PCDH7: variants seen among roughly 807,000 people sequenced by gnomAD.
The protein encoded by PCDH7 is protocadherin-7.
PCDH7 carries 17 observed loss-of-function variants against 58.9 expected under a neutral mutation model. The observed-to-expected ratio is 0.29, with a 90% CI of 0.20 to 0.43. The LOEUF (loss-of-function observed/expected upper bound fraction) is 0.43. PCDH7 is among the 20% of genes least tolerant of loss of function. The probability of loss-of-function intolerance (pLI) is 1.00; values close to 1 mark genes in which losing one functional copy is unlikely to be tolerated. For synonymous variants in PCDH7, 664 were observed against 616.4 expected, an observed-to-expected ratio of 1.08 and a Z score of -1.14; for missense variants, 1,274 against 1,441.0, an observed-to-expected ratio of 0.88 and a Z score of 1.88.
At chr4:30,754,709 CA>C (rs1475012413) in intron 1 of PCDH7, among the ~76,000 whole-genome samples, 4 of 152,178 alleles carry the variant, frequency 2.6e-5, no homozygotes, top group Non-Finnish European at 5.9e-5. Flanking sequence ...ATTTTATCTT[CA>C]ATTCAGTTTG....
intron 3 of PCDH7, among the ~76,000 whole-genome samples, chr4:31,101,419 A>G (rs1350787567): frequency 6.6e-6 from 1 of 152,150 alleles, no homozygotes; most frequent in Non-Finnish European, 1.5e-5. Context: ...TCAGGTAGTA[A>G]TATATTTTAG....
intron 3 of PCDH7, among the ~76,000 whole-genome samples, chr4:31,129,922 C>T (rs1444795767): frequency 7.4e-6 from 1 of 135,372 alleles, no homozygotes; most frequent in East Asian, 2.0e-4. Flanking sequence ...GCCACCATAA[C>T]AGGCCACAAT....
chr4:30,766,263 G>A (rs1175351368), intron 1 of PCDH7, among the ~76,000 whole-genome samples: 2 of 152,050 alleles, frequency 1.3e-5, no homozygotes, highest in Admixed American at 1.3e-4. Flanking sequence ...AAGAAGGGTG[G>A]TGCATGCCAG....
intron 1 of PCDH7, among the ~76,000 whole-genome samples, chr4:30,905,627 T>A (rs1740819186): frequency 6.6e-6 from 1 of 152,226 alleles, no homozygotes; most frequent in South Asian, 2.1e-4. Context: ...GCTTAATAAG[T>A]CTCTGTTGGA....
intron 3 of PCDH7, among the ~76,000 whole-genome samples, chr4:30,997,223 A>G (rs1345762389): frequency 6.6e-6 from 1 of 152,154 alleles, no homozygotes; most frequent in Non-Finnish European, 1.5e-5. Context: ...TGTATTTATA[A>G]TTCTGTAATC....
At chr4:31,146,523 C>T (rs888075617), downstream of PCDH7, 2 of 152,010 alleles carry the variant, frequency 1.3e-5, no homozygotes, top group Non-Finnish European at 2.9e-5. Context: ...CAGTTTAAAG[C>T]ACTTGCGTTC....
At chr4:30,961,309 C>A (rs1479875548) in intron 3 of PCDH7, among the ~76,000 whole-genome samples, 1 of 151,602 alleles carries the variant, frequency 6.6e-6, no homozygotes. Flanking sequence ...CTTTGGGAGG[C>A]CGAGGCGGGT....
chr4:30,968,261 A>G (rs545080033), intron 3 of PCDH7, among the ~76,000 whole-genome samples: 1 of 146,762 alleles, frequency 6.8e-6, no homozygotes, highest in South Asian at 2.1e-4. Context: ...TGAGAAGGAC[A>G]TAAAAATTGA....
intron 1 of PCDH7, among the ~76,000 whole-genome samples, chr4:30,788,447 T>C (rs1158479284): frequency 6.6e-6 from 1 of 152,112 alleles, no homozygotes; most frequent in Non-Finnish European, 1.5e-5. Context: ...TCTGTAATAT[T>C]ACAGGGATTT....
At chr4:30,774,084 T>A (rs1000316114) in intron 1 of PCDH7, among the ~76,000 whole-genome samples, 3 of 152,188 alleles carry the variant, frequency 2.0e-5, no homozygotes, top group Non-Finnish European at 2.9e-5. Flanking sequence ...TTTCAATTTC[T>A]TTTATGTCTC....
chr4:30,893,695 G>C (rs1738908776), intron 1 of PCDH7, among the ~76,000 whole-genome samples: 1 of 152,018 alleles, frequency 6.6e-6, no homozygotes, highest in Non-Finnish European at 1.5e-5. Context: ...TGTGTTTCTA[G>C]GTAAATCCCT....
At chr4:31,107,364 A>T (rs994027819) in intron 3 of PCDH7, among the ~76,000 whole-genome samples, 16 of 152,208 alleles carry the variant, frequency 1.1e-4, no homozygotes, top group Non-Finnish European at 2.9e-5. Flanking sequence ...AAGGCCCATT[A>T]ACTGGCATAC....
intron 3 of PCDH7, among the ~76,000 whole-genome samples, chr4:31,128,366 T>A: frequency 6.6e-6 from 1 of 152,086 alleles, no homozygotes; most frequent in East Asian, 1.9e-4. Flanking sequence ...AGATAAAATT[T>A]GTCAAACTGT....
intron 1 of PCDH7, among the ~76,000 whole-genome samples, chr4:30,787,727 G>C (rs1437613577): frequency 1.3e-5 from 2 of 152,060 alleles, no homozygotes; most frequent in African/African-American, 4.8e-5. Context: ...TGAAGATACT[G>C]TATAAAGTCT....
intron 3 of PCDH7, among the ~76,000 whole-genome samples, chr4:31,016,034 A>G (rs775590554): frequency 6.6e-6 from 1 of 152,178 alleles, no homozygotes; most frequent in African/African-American, 2.4e-5. Flanking sequence ...TGAGTTTAAT[A>G]TAATTCATTT....
intron 3 of PCDH7, among the ~76,000 whole-genome samples, chr4:31,055,269 T>C (rs1193061031): frequency 6.6e-6 from 1 of 152,190 alleles, no homozygotes; most frequent in Non-Finnish European, 1.5e-5. Context: ...TTTTCAGTTT[T>C]TTAGAGCATT....
At chr4:30,776,949 T>C (rs1722146684) in intron 1 of PCDH7, among the ~76,000 whole-genome samples, 1 of 152,102 alleles carries the variant, frequency 6.6e-6, no homozygotes, top group South Asian at 2.1e-4. Flanking sequence ...TTTATGGATA[T>C]ATTAAAAATC....
At chr4:31,104,338 T>C (rs1289833108) in intron 3 of PCDH7, among the ~76,000 whole-genome samples, 3 of 152,194 alleles carry the variant, frequency 2.0e-5, no homozygotes, top group Non-Finnish European at 4.4e-5. Flanking sequence ...TTATATTTCC[T>C]GCCAAATATA....
In PCDH7 at chr4:30,968,376, C is replaced by CTATATATATATATATA. The variant is rs60085619; in HGVS notation, c.*7+18185_*7+18200dup. On this transcript the variant is annotated intron_variant, in intron 3 of 3. Coordinates refer to the PCDH7 transcript ENST00000509759. ...TACACACACTATATATATACACACA[C>CTATATATATATATATA]TATATATATATATATATATATATAT... Among the ~76,000 whole-genome samples the CTATATATATATATATA allele has an allele frequency of 2.9e-3, 191 of 66,988 alleles. 3 individuals carry two copies. Among genetic ancestry groups the CTATATATATATATATA allele is most frequent in the East Asian group, 5.4e-3 (11 of 2,054 alleles). The allele number at this position is 66,988 out of a possible 152,430, so 43.9% of individuals were successfully genotyped here. A position where few individuals can be genotyped will look rare whatever the true frequency, so the allele number is the denominator to read the frequency against.
Sources: allele counts gnomAD v4.1 joint callset (sites outside exome capture counted in the v4.1 genomes callset), GRCh38; gene constraint gnomAD v4.1.1; transcripts MANE v1.5; gene names NCBI Gene and HGNC (gene_info 2026-07-23, HGNC 2026-07-21).